PZP: variants seen among roughly 807,000 people sequenced by gnomAD.
The protein encoded by PZP is PZP alpha-2-macroglobulin like.
In PZP, 150 loss-of-function variants were observed where a neutral mutation model predicts 179.8. The ratio of observed to expected loss-of-function variants is 0.83; its 90% CI spans 0.73 to 0.96. The LOEUF is 0.96. Ranked by LOEUF, PZP falls within the 40% of genes least tolerant of loss-of-function variation. The pLI, the probability that PZP is intolerant of heterozygous loss-of-function variation, is 0.00. For missense variants in PZP, 1,689 were observed against 1,764.0 expected, an observed-to-expected ratio of 0.96 and a Z score of 0.76; for synonymous variants, 624 against 652.3, an observed-to-expected ratio of 0.96 and a Z score of 0.66.
intron 28 of PZP, 37 bp from the exon 29 acceptor site, chr12:9,154,876 C>T (rs774061839): frequency 1.2e-5 from 18 of 1,553,366 alleles, no homozygotes; most frequent in Middle Eastern, 4.0e-4. Context: ...TGTAACTCAT[C>T]AATAAGTAAT....
At chr12:9,188,497 A>G (rs1005927426) in intron 13 of PZP, among the ~76,000 whole-genome samples, 1 of 152,216 alleles carries the variant, frequency 6.6e-6, no homozygotes, top group Non-Finnish European at 1.5e-5. Flanking sequence ...ACTCCTATTG[A>G]ACACAGTATT....
At chr12:9,192,160 G>A (rs753418812) in intron 13 of PZP, 33 bp downstream of exon 13, 1 of 1,578,794 alleles carries the variant, frequency 6.3e-7, no homozygotes, top group Non-Finnish European at 8.7e-7. Flanking sequence ...ATGTGTTAGG[G>A]GAGCAAGGAG....
chr12:9,148,845 T>C lies in PZP; in HGVS notation c.*127A>G. 1.3e-6 allele frequency: 1 copy of C among 754,816 alleles called. No homozygotes were observed. Among genetic ancestry groups the C allele is most frequent in the South Asian group, 1.8e-5 (1 of 55,886 alleles). The allele number at this position is 754,816 out of a possible 1,614,324, so 46.8% of individuals were successfully genotyped here. A position where few individuals can be genotyped will look rare whatever the true frequency, so the allele number is the denominator to read the frequency against. On this transcript the variant is annotated 3_prime_UTR_variant, in exon 36 of 36. Coordinates refer to ENST00000261336, the MANE Select transcript of PZP (RefSeq NM_002864.3). Reference sequence around the variant, plus strand: ...ATGAATGATGCAACAAGTGATAGTTTGACCAGAAGTACATATTTATTCAGC... The same window carrying C: ...ATGAATGATGCAACAAGTGATAGTTCGACCAGAAGTACATATTTATTCAGC...
At chr12:9,189,636 C>T (rs1435470823) in intron 13 of PZP, among the ~76,000 whole-genome samples, 1 of 152,140 alleles carries the variant, frequency 6.6e-6, no homozygotes, top group Non-Finnish European at 1.5e-5. Flanking sequence ...CAAACATTGA[C>T]AAATGGGATC....
At chr12:9,144,871 T>C (rs1377483677), downstream of PZP, among the ~76,000 whole-genome samples, 1 of 152,138 alleles carries the variant, frequency 6.6e-6, no homozygotes, top group African/African-American at 2.4e-5. Flanking sequence ...GAGATGTCAT[T>C]TGTGGTTTAT....
chr12:9,177,009 G>A (rs781547112), intron 15 of PZP, among the ~76,000 whole-genome samples: 1 of 152,286 alleles, frequency 6.6e-6, no homozygotes, highest in South Asian at 2.1e-4. Context: ...TATTTTACAT[G>A]TGAGAGCTCA....
intron 19 of PZP, among the ~76,000 whole-genome samples, chr12:9,164,727 T>C (rs745398113): frequency 6.6e-6 from 1 of 152,208 alleles, no homozygotes; most frequent in Non-Finnish European, 1.5e-5. Flanking sequence ...ACAACCACTA[T>C]TACATAATTT....
chr12:9,196,603 C>A lies in PZP; in HGVS notation c.950G>T (p.Arg317Ile), dbSNP rs748124801. The A allele has an allele frequency of 1.9e-6, 3 of 1,612,986 alleles. No individual in the cohort carries two copies. The highest frequency in any genetic ancestry group is 1.7e-6 in the Non-Finnish European group (2 of 1,179,126). The change falls in exon 9 of 36, where the codon AGA becomes ATA. Residue 317 changes from arginine (R) to isoleucine (I), a missense_variant. Arg to Ile is a moderately conservative substitution (Grantham distance 97, BLOSUM62 -3). Transcript: ENST00000261336. ...CTCTTCTCTGATCCTGGCTTCCACT[C>A]TAAGCTTCATTTCAAAGCCCGTATT... is the stretch of plus-strand genomic sequence containing the variant. Reference protein sequence around the residue: ...ITNTGFEMKLRVEARIREEGT... With the variant: ...ITNTGFEMKLIVEARIREEGT...
intron 34 of PZP, among the ~76,000 whole-genome samples, chr12:9,149,998 C>T (rs915481029): frequency 6.6e-6 from 1 of 152,202 alleles, no homozygotes; most frequent in African/African-American, 2.4e-5. Context: ...AAACTCCACT[C>T]ATCCTCTAGG....
intron 7 of PZP, among the ~76,000 whole-genome samples, chr12:9,199,606 C>T (rs1488682662): frequency 6.6e-6 from 1 of 151,976 alleles, no homozygotes; most frequent in African/African-American, 2.4e-5. Context: ...GCAGATTCTG[C>T]AAGCAAGACT....
At chr12:9,202,182 AAATCTGT>A in intron 4 of PZP, 130 bp downstream of exon 4, 1 of 758,416 alleles carries the variant, frequency 1.3e-6, no homozygotes, top group Non-Finnish European at 2.2e-6. Context: ...ATAAGACTGC[AAATCTGT>A]GCTGAGGCTG....
At chr12:9,161,314 A>G (rs1050851758) in intron 22 of PZP, among the ~76,000 whole-genome samples, 198 bp from the exon 23 acceptor site, 2 of 152,206 alleles carry the variant, frequency 1.3e-5, no homozygotes, top group South Asian at 2.1e-4. Context: ...AACATATTCA[A>G]TTTCAACGAA....
intron 26 of PZP, 69 bp from the exon 27 acceptor site, chr12:9,157,910 T>C (rs929995318): frequency 6.8e-5 from 85 of 1,258,014 alleles, no homozygotes; most frequent in Non-Finnish European, 8.6e-5. Flanking sequence ...TGTTGTTTGA[T>C]GGAAACGCTC....
chr12:9,137,168 C>A, the PZP span, among the ~76,000 whole-genome samples: 1 of 152,090 alleles, frequency 6.6e-6, no homozygotes, highest in Non-Finnish European at 1.5e-5. Context: ...TCAGGCCTTA[C>A]TTTTATGTCT....
At chr12:9,191,707 T>C (rs1423734780) in intron 13 of PZP, among the ~76,000 whole-genome samples, 3 of 152,110 alleles carry the variant, frequency 2.0e-5, no homozygotes, top group Non-Finnish European at 4.4e-5. Flanking sequence ...TGACTTAGAA[T>C]AGAAAACGAT....
At chr12:9,208,100 A>G (rs908537319) in intron 1 of PZP, among the ~76,000 whole-genome samples, 159 bp downstream of exon 1, 3 of 152,202 alleles carry the variant, frequency 2.0e-5, no homozygotes, top group Non-Finnish European at 4.4e-5. Context: ...AGAATAGAGG[A>G]TAAATGAAAG....
intron 35 of PZP, 84 bp downstream of exon 35, chr12:9,149,477 G>C: frequency 7.4e-7 from 1 of 1,356,146 alleles, no homozygotes; most frequent in Non-Finnish European, 1.0e-6. Context: ...TGTAGGAAAA[G>C]CCTTGTAGAG....
intron 8 of PZP, 26 bp downstream of exon 8, chr12:9,196,986 A>G (rs369397771): frequency 3.5e-5 from 52 of 1,465,482 alleles, no homozygotes; most frequent in Middle Eastern, 1.7e-4. Flanking sequence ...CAGTGATAGC[A>G]CTGAGGGAGA....
the PZP span, among the ~76,000 whole-genome samples, chr12:9,138,304 T>C: frequency 6.6e-6 from 1 of 152,030 alleles, no homozygotes; most frequent in East Asian, 1.9e-4. Flanking sequence ...ATTCTGTGAA[T>C]GTGGTACAAA....
Sources: allele counts gnomAD v4.1 joint callset (sites outside exome capture counted in the v4.1 genomes callset), GRCh38; gene constraint gnomAD v4.1.1; transcripts MANE v1.5; gene names NCBI Gene and HGNC (gene_info 2026-07-23, HGNC 2026-07-21).